KCNIP4: variants seen among roughly 807,000 people sequenced by gnomAD.
The protein encoded by KCNIP4 is potassium voltage-gated channel interacting protein 4.
KCNIP4 carries 12 observed loss-of-function variants against 34.0 expected under a neutral mutation model. The ratio of observed to expected loss-of-function variants is 0.35; its 90% CI spans 0.23 to 0.57. KCNIP4 has a LOEUF of 0.57. Among genes scored for constraint, KCNIP4 ranks in the 20% least tolerant of loss-of-function variants. The pLI is 0.83. For synonymous variants in KCNIP4, 124 were observed against 102.2 expected (o/e 1.21, Z -1.29); for missense variants, 238 against 311.7 (o/e 0.76, Z 1.78).
At chr4:20,952,534 A>C (rs1252543872) in intron 1 of KCNIP4, among the ~76,000 whole-genome samples, 1 of 152,216 alleles carries the variant, frequency 6.6e-6, no homozygotes, top group African/African-American at 2.4e-5. Flanking sequence ...CTATATGTTC[A>C]AAGTCATAAG....
At chr4:20,930,421 AG>A (rs1251121558) in intron 1 of KCNIP4, among the ~76,000 whole-genome samples, 3 of 152,038 alleles carry the variant, frequency 2.0e-5, no homozygotes, top group East Asian at 3.9e-4. Context: ...AGAAGAACAT[AG>A]GGGGAAAAAT....
intron 1 of KCNIP4, among the ~76,000 whole-genome samples, chr4:21,628,378 G>C (rs1745478290): frequency 6.6e-6 from 1 of 152,034 alleles, no homozygotes; most frequent in African/African-American, 2.4e-5. Context: ...CTAAACTACT[G>C]GCTCTTCAGA....
intron 1 of KCNIP4, among the ~76,000 whole-genome samples, chr4:21,925,683 A>T (rs903401613): frequency 6.6e-6 from 1 of 152,142 alleles, no homozygotes; most frequent in African/African-American, 2.4e-5. Context: ...GGTCTCTAGG[A>T]AAGTTTAGAT....
At chr4:20,828,161 G>A (rs966346892) in intron 3 of KCNIP4, among the ~76,000 whole-genome samples, 1 of 152,210 alleles carries the variant, frequency 6.6e-6, no homozygotes, top group Non-Finnish European at 1.5e-5. Flanking sequence ...AGGCGCGGTG[G>A]CTCAAGCCTG....
chr4:20,910,416 A>C (rs1728220296), intron 1 of KCNIP4, among the ~76,000 whole-genome samples: 1 of 152,152 alleles, frequency 6.6e-6, no homozygotes, highest in Non-Finnish European at 1.5e-5. Context: ...GATCTATCAC[A>C]CTGTGCCTAG....
chr4:21,595,473 G>C (rs1315527064), intron 1 of KCNIP4, among the ~76,000 whole-genome samples: 2 of 152,068 alleles, frequency 1.3e-5, no homozygotes, highest in African/African-American at 4.8e-5. Context: ...TGTCTTTATA[G>C]TAGAATGATT....
chr4:21,091,932 T>G (rs1017261877), intron 1 of KCNIP4, among the ~76,000 whole-genome samples: 7 of 152,144 alleles, frequency 4.6e-5, no homozygotes, highest in Admixed American at 2.0e-4. Context: ...CATAAGACCA[T>G]GAAAAATAAC....
chr4:21,388,028 T>C (rs1722190056), intron 1 of KCNIP4, among the ~76,000 whole-genome samples: 1 of 149,990 alleles, frequency 6.7e-6, no homozygotes. Context: ...GGCATTTACA[T>C]ACAAAATTGC....
At chr4:21,551,087 T>C (rs969365804) in intron 1 of KCNIP4, among the ~76,000 whole-genome samples, 1 of 152,116 alleles carries the variant, frequency 6.6e-6, no homozygotes, top group Admixed American at 6.5e-5. Flanking sequence ...TGTGTCTATA[T>C]ATAAGAGAGA....
At chr4:21,454,233 C>G (rs933166000) in intron 1 of KCNIP4, among the ~76,000 whole-genome samples, 2 of 152,118 alleles carry the variant, frequency 1.3e-5, no homozygotes, top group African/African-American at 4.8e-5. Context: ...AGTGCCAACG[C>G]TGCTGAACGA....
intron 1 of KCNIP4, among the ~76,000 whole-genome samples, chr4:21,924,751 G>A (rs1729138645): frequency 6.6e-6 from 1 of 152,050 alleles, no homozygotes; most frequent in African/African-American, 2.4e-5. Flanking sequence ...ACTCACAGTG[G>A]AAAGAGTTAT....
intron 1 of KCNIP4, among the ~76,000 whole-genome samples, chr4:21,868,190 C>A (rs1201545207): frequency 6.6e-6 from 1 of 152,102 alleles, no homozygotes; most frequent in Non-Finnish European, 1.5e-5. Context: ...CACATTCATT[C>A]CTGACCACCA....
intron 1 of KCNIP4, among the ~76,000 whole-genome samples, chr4:21,436,826 G>A (rs1726979159): frequency 6.6e-6 from 1 of 152,140 alleles, no homozygotes. Context: ...TCACTATTCT[G>A]TGAGTTCTTT....
chr4:20,825,737 T>C (rs1464802591), intron 3 of KCNIP4, among the ~76,000 whole-genome samples: 2 of 152,112 alleles, frequency 1.3e-5, no homozygotes, highest in East Asian at 3.9e-4. Flanking sequence ...TGAACATGGG[T>C]GTGCTCTTCT....
intron 1 of KCNIP4, among the ~76,000 whole-genome samples, chr4:21,475,866 A>T (rs781140776): frequency 6.6e-6 from 1 of 152,188 alleles, no homozygotes; most frequent in Non-Finnish European, 1.5e-5. Flanking sequence ...ATGTTATTTA[A>T]TTTTTAATTT....
intron 1 of KCNIP4, among the ~76,000 whole-genome samples, chr4:21,247,931 A>G (rs1031037197): frequency 1.9e-4 from 21 of 111,598 alleles, no homozygotes; most frequent in Admixed American, 1.8e-4. Context: ...ATATATATAT[A>G]CACACATATA....
intron 1 of KCNIP4, among the ~76,000 whole-genome samples, chr4:21,722,027 G>T (rs535126024): frequency 7.2e-5 from 11 of 152,094 alleles, no homozygotes; most frequent in Middle Eastern, 3.2e-3. Context: ...TATTTCAAAG[G>T]TATCTATGTT....
intron 1 of KCNIP4, among the ~76,000 whole-genome samples, chr4:21,335,074 T>G (rs1392671964): frequency 6.6e-6 from 1 of 152,072 alleles, no homozygotes; most frequent in Non-Finnish European, 1.5e-5. Context: ...AAGACCCCAG[T>G]GCAACTTGTT....
intron 1 of KCNIP4, among the ~76,000 whole-genome samples, chr4:21,067,630 A>C (rs1435858884): frequency 6.6e-6 from 1 of 152,062 alleles, no homozygotes. Context: ...CCCTTGGTCC[A>C]TGAGTGAAAA....
Sources: gnomAD v4.1 joint callset for allele counts (sites outside exome capture counted in the v4.1 genomes callset) on GRCh38, gnomAD v4.1.1 for gene constraint, MANE v1.5 for transcripts, NCBI Gene and HGNC (gene_info 2026-07-23, HGNC 2026-07-21) for gene names.